The following CRB1 variants were observed in gnomAD, a reference collection of about 807,000 sequenced individuals.
The protein encoded by CRB1 is crumbs cell polarity complex component 1.
In CRB1, 83 loss-of-function variants were observed where a neutral mutation model predicts 120.0. The observed-to-expected ratio is 0.69, with a 90% CI of 0.58 to 0.83. The LOEUF (loss-of-function observed/expected upper bound fraction) is 0.83, where lower values mean the gene tolerates loss of function less well. Among genes scored for constraint, CRB1 ranks in the 40% least tolerant of loss-of-function variants. The pLI is 0.00. For synonymous variants in CRB1, 625 were observed against 612.5 expected (o/e 1.02, Z -0.30); for missense variants, 1,699 against 1,687.6 (o/e 1.01, Z -0.12).
At chr1:197,263,308 G>A (rs1654555936), upstream of CRB1, among the ~76,000 whole-genome samples, 1 of 152,102 alleles carries the variant, frequency 6.6e-6, no homozygotes, top group South Asian at 2.1e-4. Flanking sequence ...TTACATGTTT[G>A]TTGGCTGCTT....
chr1:197,273,403 T>C (rs961759989), intron 1 of CRB1, among the ~76,000 whole-genome samples: 3 of 152,140 alleles, frequency 2.0e-5, no homozygotes, highest in African/African-American at 7.2e-5. Context: ...GGTGGTGTTA[T>C]CAGGTTTCCC....
chr1:197,208,254 G>C, the CRB1 span, among the ~76,000 whole-genome samples: 1 of 152,068 alleles, frequency 6.6e-6, no homozygotes, highest in African/African-American at 2.4e-5. Context: ...TGGATCCATT[G>C]ATGTTGAGCT....
intron 1 of CRB1, among the ~76,000 whole-genome samples, chr1:197,322,904 C>G (rs558953142): frequency 6.6e-6 from 1 of 152,080 alleles, no homozygotes; most frequent in South Asian, 2.1e-4. Flanking sequence ...GGCATCCTGA[C>G]CTAGCACATA....
chr1:197,341,208 G>C (rs889730150), intron 2 of CRB1, among the ~76,000 whole-genome samples: 1 of 152,146 alleles, frequency 6.6e-6, no homozygotes, highest in Admixed American at 6.5e-5. Context: ...AGATCTCAAT[G>C]CCTGTGAGAT....
At chr1:197,393,752 A>C (rs1009034925) in intron 5 of CRB1, among the ~76,000 whole-genome samples, 2 of 152,058 alleles carry the variant, frequency 1.3e-5, no homozygotes, top group African/African-American at 4.8e-5. Flanking sequence ...TTTCATCAAC[A>C]AGAATAGAGT....
At chr1:197,417,538 A>G (rs1038904955) in intron 5 of CRB1, among the ~76,000 whole-genome samples, 1 of 152,210 alleles carries the variant, frequency 6.6e-6, no homozygotes, top group Non-Finnish European at 1.5e-5. Flanking sequence ...CAGTAAACCA[A>G]TAGCAAAGGG....
intron 6 of CRB1, among the ~76,000 whole-genome samples, chr1:197,425,285 C>T (rs1489750823): frequency 2.0e-5 from 3 of 152,184 alleles, no homozygotes; most frequent in African/African-American, 7.2e-5. Context: ...TTGCCTGGAG[C>T]AGGTGGTCTC....
At chr1:197,362,036 T>G (rs1660797016) in intron 5 of CRB1, among the ~76,000 whole-genome samples, 1 of 152,062 alleles carries the variant, frequency 6.6e-6, no homozygotes, top group African/African-American at 2.4e-5. Context: ...ATGCCATACT[T>G]CCATCTTAAT....
rs201893755 is a variant in CRB1 at position 197,328,614 on chromosome 1, C to T, written c.263C>T (p.Thr88Ile). 93 of 1,614,096 alleles carry T rather than the reference C, an allele frequency of 5.8e-5. No homozygotes were observed. The highest frequency in any genetic ancestry group is 7.0e-5 in the Non-Finnish European group (83 of 1,180,044). ...PCQGSATCVN[T>I]PGERSFLCKC... is the part of the protein sequence containing the mutation. ...CAAGGAAGTGCCACTTGTGTGAACA[C>T]CCCAGGAGAAAGGAGCTTTCTGTGC... Residue 88 changes from threonine (T) to isoleucine (I), a missense_variant, in exon 2 of 12, where the codon ACC (threonine) becomes ATC (isoleucine). By Grantham distance (89) the Thr-to-Ile change is moderately conservative. Coordinates refer to ENST00000367400, the MANE Select transcript of CRB1 (RefSeq NM_201253.3).
chr1:197,217,866 C>T, the CRB1 span, among the ~76,000 whole-genome samples: 2 of 152,082 alleles, frequency 1.3e-5, no homozygotes, highest in African/African-American at 4.8e-5. Flanking sequence ...CAGAAAAATA[C>T]TTATGTAATA....
chr1:197,265,057 G>C (rs975084420), upstream of CRB1, among the ~76,000 whole-genome samples: 3 of 152,098 alleles, frequency 2.0e-5, no homozygotes, highest in Admixed American at 6.5e-5. Flanking sequence ...TTTTGAGTGT[G>C]AATTTTCCCA....
intron 11 of CRB1, among the ~76,000 whole-genome samples, chr1:197,469,526 C>T (rs548447152): frequency 2.0e-5 from 3 of 152,062 alleles, no homozygotes; most frequent in African/African-American, 7.2e-5. Flanking sequence ...AAAGGATGTG[C>T]TTTGAAAACT....
At chr1:197,377,076 G>A (rs1206491090) in intron 5 of CRB1, among the ~76,000 whole-genome samples, 1 of 151,950 alleles carries the variant, frequency 6.6e-6, no homozygotes, top group Non-Finnish European at 1.5e-5. Flanking sequence ...TTCCAGAGAG[G>A]TCTATCTAAA....
the CRB1 span, among the ~76,000 whole-genome samples, chr1:197,203,484 C>T: frequency 2.6e-5 from 4 of 152,070 alleles, no homozygotes; most frequent in South Asian, 4.2e-4. Flanking sequence ...GCTACCACAC[C>T]GGGCTAATTT....
rs1305827555 is a variant in CRB1, at chr1:197,421,357, T to C, written c.1529T>C (p.Ile510Thr). The C allele has an allele frequency of 1.9e-6, 3 of 1,614,120 alleles. No individual in the cohort carries two copies. Among genetic ancestry groups the C allele is most frequent in the Non-Finnish European group, 1.7e-6 (2 of 1,180,046 alleles). ...SVTTKGSVCN[I>T]ALRFQTVQPM... ...ACAACCAAGGGCTCAGTTTGTAACATAGCCCTCAGGTTTCAGACTGTTCAG... is the reference window on the plus strand; with the variant it reads ...ACAACCAAGGGCTCAGTTTGTAACACAGCCCTCAGGTTTCAGACTGTTCAG... Residue 510 changes from isoleucine to threonine, a missense_variant, in exon 6 of 12, where the codon ATA becomes ACA. Coordinates refer to ENST00000367400, the MANE Select transcript of CRB1 (RefSeq NM_201253.3).
chr1:197,282,472 C>T (rs1026183535), intron 1 of CRB1, among the ~76,000 whole-genome samples: 16 of 151,580 alleles, frequency 1.1e-4, no homozygotes, highest in Non-Finnish European at 1.9e-4. Context: ...TGAAGGAAGC[C>T]GTATGTTATG....
intron 2 of CRB1, among the ~76,000 whole-genome samples, chr1:197,340,125 A>G (rs556514023): frequency 6.6e-6 from 1 of 152,334 alleles, no homozygotes; most frequent in South Asian, 2.1e-4. Context: ...ATAGACATTT[A>G]TATTAAGGGG....
upstream of CRB1, chr1:197,268,110 A>G (rs1386761359): frequency 5.3e-6 from 2 of 378,512 alleles, no homozygotes; most frequent in Non-Finnish European, 1.0e-5. Context: ...AGGAGGCAGC[A>G]TGAACAGAAG....
chr1:197,385,674 A>G (rs1662177799), intron 5 of CRB1, among the ~76,000 whole-genome samples: 1 of 152,154 alleles, frequency 6.6e-6, no homozygotes, highest in Non-Finnish European at 1.5e-5. Flanking sequence ...GTGACCTTTA[A>G]TTCTGGATTG....
Sources: allele counts gnomAD v4.1 joint callset (sites outside exome capture counted in the v4.1 genomes callset), GRCh38; gene constraint gnomAD v4.1.1; transcripts MANE v1.5; gene names NCBI Gene and HGNC (gene_info 2026-07-23, HGNC 2026-07-21).